Variants in SHISA9 observed in about 807,000 individuals in gnomAD.
The protein encoded by SHISA9 is protein shisa-9.
In SHISA9, 13 loss-of-function variants were observed where a neutral mutation model predicts 38.0. The ratio of observed to expected loss-of-function variants is 0.34; its 90% CI spans 0.22 to 0.54. The LOEUF (loss-of-function observed/expected upper bound fraction) is 0.54. SHISA9 is among the 20% of genes least tolerant of loss of function. SHISA9 has a pLI of 0.91. For missense variants in SHISA9, 538 were observed against 575.8 expected (o/e 0.93, Z 0.67); for synonymous variants, 275 against 242.0 (o/e 1.14, Z -1.27).
intron 2 of SHISA9, among the ~76,000 whole-genome samples, chr16:13,061,221 C>A (rs1253755018): frequency 6.6e-6 from 1 of 152,186 alleles, no homozygotes; most frequent in Non-Finnish European, 1.5e-5. Context: ...TTATCTGAAG[C>A]CTTTGCATAT....
chr16:13,279,284 T>G, the SHISA9 span, among the ~76,000 whole-genome samples: 2 of 152,006 alleles, frequency 1.3e-5, no homozygotes, highest in African/African-American at 4.8e-5. Context: ...TTTCTTAAAT[T>G]TATTGAGGCT....
intron 2 of SHISA9, among the ~76,000 whole-genome samples, chr16:13,069,619 T>C (rs1444935440): frequency 6.6e-6 from 1 of 152,152 alleles, no homozygotes; most frequent in Non-Finnish European, 1.5e-5. Flanking sequence ...GTACATGCAA[T>C]GTGTGTGTCT....
chr16:13,438,850 G>C, the SHISA9 span, among the ~76,000 whole-genome samples: 1 of 152,158 alleles, frequency 6.6e-6, no homozygotes, highest in Non-Finnish European at 1.5e-5. Context: ...CTTAATTACT[G>C]TCTTTATTCC....
intron 2 of SHISA9, among the ~76,000 whole-genome samples, chr16:12,918,285 C>T (rs907553022): frequency 6.6e-5 from 10 of 152,066 alleles, no homozygotes; most frequent in African/African-American, 1.9e-4. Flanking sequence ...TCTTTCAGTT[C>T]GCACTGGGAA....
chr16:12,926,945 A>G (rs1244988547), intron 2 of SHISA9, among the ~76,000 whole-genome samples: 3 of 152,190 alleles, frequency 2.0e-5, no homozygotes, highest in Admixed American at 6.5e-5. Flanking sequence ...TACAAGGACC[A>G]CACTGCTTTT....
intron 2 of SHISA9, among the ~76,000 whole-genome samples, chr16:13,115,497 A>T (rs1380590647): frequency 6.6e-6 from 1 of 152,226 alleles, no homozygotes; most frequent in Non-Finnish European, 1.5e-5. Context: ...TGGCTTAAGA[A>T]TGCCTTTAAG....
At chr16:13,484,696 G>A in the SHISA9 span, among the ~76,000 whole-genome samples, 1 of 152,210 alleles carries the variant, frequency 6.6e-6, no homozygotes, top group Admixed American at 6.5e-5. Context: ...TGGTTGGGGA[G>A]GCCTCAGAAA....
chr16:13,468,869 C>T, the SHISA9 span, among the ~76,000 whole-genome samples: 1 of 151,368 alleles, frequency 6.6e-6, no homozygotes, highest in Non-Finnish European at 1.5e-5. Context: ...TATGTATGTG[C>T]ATTATATATT....
chr16:13,181,287 A>G (rs1202017391), intron 2 of SHISA9, among the ~76,000 whole-genome samples: 1 of 41,598 alleles, frequency 2.4e-5, no homozygotes, highest in Non-Finnish European at 4.0e-5. Context: ...ATATATATAT[A>G]TATATATATA....
At chr16:12,951,816 G>T (rs1407554979) in intron 2 of SHISA9, among the ~76,000 whole-genome samples, 4 of 152,190 alleles carry the variant, frequency 2.6e-5, no homozygotes, top group African/African-American at 9.7e-5. Flanking sequence ...GGTTGCGGTG[G>T]AGCAGGGAAC....
At chr16:13,459,332 T>C in the SHISA9 span, among the ~76,000 whole-genome samples, 1 of 152,076 alleles carries the variant, frequency 6.6e-6, no homozygotes. Context: ...TCTGGTGACA[T>C]GGGGGGAGGA....
intron 2 of SHISA9, among the ~76,000 whole-genome samples, chr16:13,131,637 A>G (rs1254948091): frequency 6.6e-6 from 1 of 152,062 alleles, no homozygotes; most frequent in Non-Finnish European, 1.5e-5. Flanking sequence ...GATGGAAAAA[A>G]AAAGGTTTTA....
At chr16:13,427,997 G>A in the SHISA9 span, among the ~76,000 whole-genome samples, 14 of 152,234 alleles carry the variant, frequency 9.2e-5, no homozygotes, top group Admixed American at 5.9e-4. Flanking sequence ...AGTTTGCTCC[G>A]AGGACAAAAC....
chr16:13,266,341 A>G, the SHISA9 span, among the ~76,000 whole-genome samples: 93 of 152,240 alleles, frequency 6.1e-4, no homozygotes, highest in Middle Eastern at 3.4e-3. Context: ...CTTTGGAAAG[A>G]TAGGAATTTA....
the SHISA9 span, among the ~76,000 whole-genome samples, chr16:13,335,080 C>T: frequency 4.6e-5 from 7 of 152,230 alleles, no homozygotes; most frequent in African/African-American, 1.7e-4. Context: ...CCATGGGGGA[C>T]ACCTCTGGTT....
At chr16:13,445,084 A>G in the SHISA9 span, among the ~76,000 whole-genome samples, 124 of 147,354 alleles carry the variant, frequency 8.4e-4, no homozygotes, top group African/African-American at 2.9e-3. Flanking sequence ...CTGGTCTCGA[A>G]CTCCTGAGCT....
chr16:13,000,785 C>G (rs572411475), intron 2 of SHISA9, among the ~76,000 whole-genome samples: 2 of 152,290 alleles, frequency 1.3e-5, no homozygotes, highest in South Asian at 4.1e-4. Context: ...GATTTACCCC[C>G]TTGGCATTTA....
At chr16:12,974,328 A>T (rs2072125804) in intron 2 of SHISA9, among the ~76,000 whole-genome samples, 1 of 152,044 alleles carries the variant, frequency 6.6e-6, no homozygotes, top group South Asian at 2.1e-4. Flanking sequence ...CCTAAAGGAA[A>T]ATTGACATGT....
chr16:13,119,548 A>G (rs1261182627), intron 2 of SHISA9, among the ~76,000 whole-genome samples: 1 of 152,238 alleles, frequency 6.6e-6, no homozygotes, highest in African/African-American at 2.4e-5. Flanking sequence ...TCCAATAACT[A>G]CTAACAATCA....
Sources: gnomAD v4.1 joint callset for allele counts (sites outside exome capture counted in the v4.1 genomes callset) on GRCh38, gnomAD v4.1.1 for gene constraint, MANE v1.5 for transcripts, NCBI Gene and HGNC (gene_info 2026-07-23, HGNC 2026-07-21) for gene names.